The following ITGA5 variants were observed in gnomAD, a reference collection of about 807,000 sequenced individuals.
ITGA5 encodes the protein integrin subunit alpha 5.
In ITGA5, 55 loss-of-function variants were observed where a neutral mutation model predicts 146.3. The ratio of observed to expected loss-of-function variants is 0.38; its 90% CI spans 0.30 to 0.47. ITGA5 has a LOEUF of 0.47. ITGA5 is among the 20% of genes least tolerant of loss of function. The pLI, the probability that ITGA5 is intolerant of heterozygous loss-of-function variation, is 0.99. For synonymous variants in ITGA5, 500 were observed against 531.8 expected, an observed-to-expected ratio of 0.94 and a Z score of 0.82; for missense variants, 1,131 against 1,329.0, an observed-to-expected ratio of 0.85 and a Z score of 2.32.
chr12:54,401,517 C>T lies in ITGA5; in HGVS notation c.2388-39G>A. On this transcript the variant is annotated intron_variant, in intron 23 of 29. Transcript: ENST00000293379. The surrounding 1 kb of genome is among the most constrained non-coding windows in gnomAD (Gnocchi z 5.0). ...TGGTTTAGAGGAGGGTGGAAGGAAC[C>T]CCATATGCATCCTTCCCTAGAAGTC... 1 of 1,579,492 alleles carries T rather than the reference C, an allele frequency of 6.3e-7. No individual in the cohort carries two copies. The highest frequency in any genetic ancestry group is 8.6e-7 in the Non-Finnish European group (1 of 1,159,078).
chr12:54,399,709 A>AG lies in ITGA5; in HGVS notation c.2776dup (p.Leu926ProfsTer29). On this transcript the variant is annotated frameshift_variant, in exon 27 of 30. Coordinates refer to ENST00000293379, the MANE Select transcript of ITGA5 (RefSeq NM_002205.5). LOFTEE classifies it high-confidence loss of function. ...CAGACTTTGGCTCTCTTGTTGGTGCAGGGGCCCGAGCTCACAGCGCAGCCT... is the reference window on the plus strand; with the variant it reads ...CAGACTTTGGCTCTCTTGTTGGTGCAGGGGGCCCGAGCTCACAGCGCAGCCT... The AG allele has an allele frequency of 6.2e-7, 1 of 1,614,196 alleles. No individual in the cohort carries two copies. The highest frequency in any genetic ancestry group is 8.5e-7 in the Non-Finnish European group (1 of 1,180,020).
Position 54,402,277 on chromosome 12 carries a change from T to C in ITGA5, c.2036A>G (p.His679Arg). The change falls in exon 20 of 30, where the codon CAT (histidine) becomes CGT (arginine). Residue 679 changes from histidine (H) to arginine (R), a missense_variant. By Grantham distance (29) the His-to-Arg change is conservative. This residue lies in a region of ITGA5 where 889 missense variants were observed against 1,021.5 expected (regional missense o/e 0.87). Coordinates refer to ENST00000293379, the MANE Select transcript of ITGA5 (RefSeq NM_002205.5). ...GCCACCCTCACCCACATTCTGGGCA[T>C]GGAAAGTGAGGTTCAGGGCATTCTT... ...GDKNALNLTF[H>R]AQNVGEGGAY... 1.2e-6 allele frequency: 2 copies of C among 1,614,150 alleles called. No individual in the cohort carries two copies. Among genetic ancestry groups the C allele is most frequent in the Non-Finnish European group, 8.5e-7 (1 of 1,180,002 alleles).
chr12:54,409,088 G>T lies in ITGA5; in HGVS notation c.584-134C>A. On this transcript the variant is annotated intron_variant, in intron 4 of 29. Transcript: ENST00000293379. The surrounding 1 kb of genome is among the most constrained non-coding windows in gnomAD (Gnocchi z 4.7). ...CCTGGACCAGACAGTAAGCATAAAG[G>T]CTAACGAACTGGGTTAGCCTTTATC... The T allele has an allele frequency of 1.4e-6, 2 of 1,411,784 alleles. No homozygotes were observed. The highest frequency in any genetic ancestry group is 2.0e-6 in the Non-Finnish European group (2 of 1,020,112). 87.5% of individuals were successfully genotyped at this position (1,411,784 alleles called of 1,614,324 possible).
At chr12:54,406,243 C>T in intron 9 of ITGA5, 1 of 431,270 alleles carries the variant, frequency 2.3e-6, no homozygotes, top group Admixed American at 3.5e-5. Flanking sequence ...TTTGCTTTCT[C>T]CTCAGAACCT....
intron 28 of ITGA5, among the ~76,000 whole-genome samples, chr12:54,397,799 A>C (rs1201135158): frequency 1.3e-5 from 2 of 152,238 alleles, no homozygotes; most frequent in Non-Finnish European, 2.9e-5. Flanking sequence ...GTTCCAGATC[A>C]ACTCCACCTC....
In ITGA5 at chr12:54,396,157, G is replaced by T; in HGVS notation, c.*136C>A. 3.0e-6 allele frequency: 2 copies of T among 673,240 alleles called. No individual in the cohort carries two copies. Among genetic ancestry groups the T allele is most frequent in the Non-Finnish European group, 2.6e-6 (1 of 386,308 alleles). The allele number at this position is 673,240 out of a possible 1,614,324, so 41.7% of individuals were successfully genotyped here. ...CACCCCCCTGGCTCTGGCCCTTCAA[G>T]TATGTCTCTGGGCTGGGGAGAGGAG... is the stretch of plus-strand genomic sequence containing the variant. On this transcript the variant is annotated 3_prime_UTR_variant, in exon 30 of 30. Coordinates refer to ENST00000293379, the MANE Select transcript of ITGA5 (RefSeq NM_002205.5).
Position 54,405,323 on chromosome 12 carries a change from G to A in ITGA5, c.1068C>T (p.Asp356=), listed in dbSNP as rs774155456. ...CCCTGCCCACCTCCTGAGGCCGCCC[G>A]TCAGGGGTCCGATCCATGAGCAGGG... ...GAPLLMDRTP[D]GRPQEVGRVY... is the part of the protein sequence containing the mutation. Residue 356 remains aspartate (D), a synonymous_variant, in exon 12 of 30, where the codon GAC becomes GAT. Coordinates refer to ENST00000293379, the MANE Select transcript of ITGA5 (RefSeq NM_002205.5). 19 of 1,612,652 alleles carry A rather than the reference G, an allele frequency of 1.2e-5. No individual in the cohort carries two copies. Among genetic ancestry groups the A allele is most frequent in the East Asian group, 2.2e-5 (1 of 44,870 alleles).
rs1955918664 is a variant in ITGA5 at position 54,409,827 on chromosome 12, T to C, written c.350-230A>G. 2.1e-6 allele frequency: 1 copy of C among 481,380 alleles called. No homozygotes were observed. Among genetic ancestry groups the C allele is most frequent in the Non-Finnish European group, 3.7e-6 (1 of 268,080 alleles). The allele number at this position is 481,380 out of a possible 1,614,324, so 29.8% of individuals were successfully genotyped here. A position where few individuals can be genotyped will look rare whatever the true frequency, so the allele number is the denominator to read the frequency against. ...ATACACATACACACACACACATACATACACACGCACGCACACGCACACAGA... is the reference window on the plus strand; with the variant it reads ...ATACACATACACACACACACATACACACACACGCACGCACACGCACACAGA... On this transcript the variant is annotated intron_variant, in intron 2 of 29. Coordinates refer to ENST00000293379, the MANE Select transcript of ITGA5 (RefSeq NM_002205.5). This position sits in a 1 kb window ranked among gnomAD's most constrained non-coding sequence, Gnocchi z 4.7.
At position 54,409,802 on chromosome 12, in the gene ITGA5, A is replaced by G; in HGVS notation, c.350-205T>C. On this transcript the variant is annotated intron_variant, in intron 2 of 29. Transcript: ENST00000293379. This position sits in a 1 kb window ranked among gnomAD's most constrained non-coding sequence, Gnocchi z 4.7. The stretch of plus-strand genomic sequence containing the variant: ...CCTGACTTATCTCTCCACTACACAC[A>G]TACACATACACACACACACATACAT... 1 of 554,786 alleles carries G rather than the reference A, an allele frequency of 1.8e-6. No homozygotes were observed. Among genetic ancestry groups the G allele is most frequent in the Non-Finnish European group, 3.2e-6 (1 of 308,916 alleles). The allele number at this position is 554,786 out of a possible 1,614,324, so 34.4% of individuals were successfully genotyped here. A position where few individuals can be genotyped will look rare whatever the true frequency, so the allele number is the denominator to read the frequency against.
chr12:54,407,718 C>T (rs1955884071), intron 8 of ITGA5, 26 bp from the exon 9 acceptor site: 1 of 1,612,424 alleles, frequency 6.2e-7, no homozygotes, highest in African/African-American at 1.3e-5. Context: ...AAAGTTGTGA[C>T]CTAAGGGTGG....
At position 54,401,650 on chromosome 12, in the gene ITGA5, G is replaced by A. The variant is rs781587820; in HGVS notation, c.2322C>T (p.Asn774=). The change falls in exon 23 of 30, where the codon AAC becomes AAT. Residue 774 remains asparagine (N), a synonymous_variant. Transcript: ENST00000293379. This position sits in a 1 kb window ranked among gnomAD's most constrained non-coding sequence, Gnocchi z 5.0. ...DFQILSKNLN[N]SQSDVVSFRL... ...GAAAGGAAACCACGTCGCTTTGCGA[G>A]TTGTTGAGATTCTTGCTGTGGGATG... 7.4e-6 allele frequency: 12 copies of A among 1,614,114 alleles called. No homozygotes were observed. In the African/African-American group the frequency reaches 1.5e-4, roughly 20 times the overall value.
chr12:54,414,720 G>A (rs1183790929), intron 1 of ITGA5, among the ~76,000 whole-genome samples: 2 of 150,920 alleles, frequency 1.3e-5, no homozygotes, highest in Admixed American at 6.6e-5. Context: ...GGTGGCGGGC[G>A]CTTGTAGTCC....
Position 54,402,285 on chromosome 12 carries a change from G to A in ITGA5, c.2028C>T (p.Leu676=), listed in dbSNP as rs1377948316. 1.2e-6 allele frequency: 2 copies of A among 1,614,084 alleles called. No individual in the cohort carries two copies. The highest frequency in any genetic ancestry group is 1.7e-6 in the Non-Finnish European group (2 of 1,180,042). ...VYLGDKNALN[L]TFHAQNVGEG... ...CACCCACATTCTGGGCATGGAAAGT[G>A]AGGTTCAGGGCATTCTTGTCACCCA... is the stretch of plus-strand genomic sequence containing the variant. Residue 676 remains leucine (L), a synonymous_variant, in exon 20 of 30, where the codon CTC becomes CTT. Transcript: ENST00000293379.
chr12:54,411,857 G>A lies in ITGA5; in HGVS notation c.326C>T (p.Thr109Ile), dbSNP rs1955948553. Reference protein sequence around the residue: ...CPWGASPTQCTPIEFDSKGSR... With the variant: ...CPWGASPTQCIPIEFDSKGSR... ...ACCTTTGCTGTCAAATTCAATGGGG[G>A]TGCACTGTGTGGGGCTGGCACCCCA... is the stretch of plus-strand genomic sequence containing the variant. Residue 109 changes from threonine to isoleucine, a missense_variant, in exon 2 of 30, where the codon ACC becomes ATC. This residue lies in a region of ITGA5 where 175 missense variants were observed against 179.3 expected (regional missense o/e 0.98). Transcript: ENST00000293379. 1 of 1,570,160 alleles carries A rather than the reference G, an allele frequency of 6.4e-7. No homozygotes were observed. The highest frequency in any genetic ancestry group is 8.6e-7 in the Non-Finnish European group (1 of 1,158,846).
rs768435436 is a variant in ITGA5 at position 54,409,002 on chromosome 12, T to A, written c.584-48A>T. 6.3e-7 allele frequency: 1 copy of A among 1,580,218 alleles called. No individual in the cohort carries two copies. The highest frequency in any genetic ancestry group is 1.7e-5 in the Admixed American group (1 of 59,882). On this transcript the variant is annotated intron_variant, in intron 4 of 29. Coordinates refer to ENST00000293379, the MANE Select transcript of ITGA5 (RefSeq NM_002205.5). The surrounding 1 kb of genome is among the most constrained non-coding windows in gnomAD (Gnocchi z 4.7). ...AAATGAGCCCTGCATAGATGGGTCA[T>A]CCAGGAAAGAAGAGAGGGCATAGGG...
chr12:54,404,633 T>C, intron 13 of ITGA5, 70 bp downstream of exon 13: 1 of 1,514,944 alleles, frequency 6.6e-7, no homozygotes, highest in Non-Finnish European at 9.2e-7. Flanking sequence ...TAAGGAAAGG[T>C]GCAGAAGAGA....
At chr12:54,408,057 C>T (rs981136956) in intron 7 of ITGA5, 53 bp downstream of exon 7, 1 of 1,608,932 alleles carries the variant, frequency 6.2e-7, no homozygotes, top group Non-Finnish European at 8.5e-7. Flanking sequence ...TGAGTGGGGA[C>T]AGGAGCACTT....
chr12:54,417,139 T>C (rs531378379), intron 1 of ITGA5, among the ~76,000 whole-genome samples: 2 of 151,682 alleles, frequency 1.3e-5, no homozygotes, highest in South Asian at 4.2e-4. Flanking sequence ...GGGGAAGGGA[T>C]GAGAGAGCTA....
Position 54,419,220 on chromosome 12 carries a change from T to C in ITGA5, c.-22A>G. The C allele has an allele frequency of 6.5e-7, 1 of 1,549,314 alleles. No individual in the cohort carries two copies. The highest frequency in any genetic ancestry group is 2.4e-5 in the East Asian group (1 of 40,932). ...CCATAGCGCCCGCTCTTCCCTGTCC[T>C]GGGGCCACCGACCCGGAGCCGCTTC... is the stretch of plus-strand genomic sequence containing the variant. On this transcript the variant is annotated 5_prime_UTR_variant, in exon 1 of 30. Coordinates refer to ENST00000293379, the MANE Select transcript of ITGA5 (RefSeq NM_002205.5).
Sources: gnomAD v4.1 joint callset for allele counts (sites outside exome capture counted in the v4.1 genomes callset) on GRCh38, gnomAD v4.1.1 for gene constraint, gnomAD v4.1.1 regional missense constraint, Gnocchi (gnomAD v3.1) non-coding constraint, MANE v1.5 for transcripts, NCBI Gene and HGNC (gene_info 2026-07-23, HGNC 2026-07-21) for gene names.